The following GABRA2 variants were observed in gnomAD, a reference collection of about 807,000 sequenced individuals.
The protein encoded by GABRA2 is gamma-aminobutyric acid receptor subunit alpha-2.
In GABRA2, 16 loss-of-function variants were observed where a neutral mutation model predicts 48.7. That is an observed-to-expected ratio of 0.33 (90% confidence interval 0.22 to 0.50). The LOEUF is 0.50. Among genes scored for constraint, GABRA2 ranks in the 20% least tolerant of loss-of-function variants. The pLI is 0.98. For synonymous variants in GABRA2, 185 were observed against 184.5 expected, an observed-to-expected ratio of 1.00 and a Z score of -0.02; for missense variants, 275 against 535.6, an observed-to-expected ratio of 0.51 and a Z score of 4.80.
intron 8 of GABRA2, among the ~76,000 whole-genome samples, chr4:46,267,994 G>C (rs919720096): frequency 6.6e-6 from 1 of 151,884 alleles, no homozygotes; most frequent in African/African-American, 2.4e-5. Context: ...AAGACTTCTT[G>C]TCCCAAGCAT....
rs1424133533 is a variant in GABRA2 at position 46,248,708 on chromosome 4, A to G, written c.*1600T>C. 1 of 151,500 alleles carries G rather than the reference A, an allele frequency of 6.6e-6. No individual in the cohort carries two copies. The allele number at this position is 151,500 out of a possible 1,614,324, so 9.4% of individuals were successfully genotyped here. A position where few individuals can be genotyped will look rare whatever the true frequency, so the allele number is the denominator to read the frequency against. ...TACTCCTTTTATTGATTTTATGAAC[A>G]TACCTATTTATGCACTATACTCAAA... On this transcript the variant is annotated 3_prime_UTR_variant, in exon 10 of 10. Transcript: ENST00000381620.
At position 46,262,936 on chromosome 4, in the gene GABRA2, A is replaced by AAAGAG. The variant is rs1438704695; in HGVS notation, c.857-809_857-808insCTCTT. 7.9e-3 allele frequency among the ~76,000 whole-genome samples: 1,093 copies of AAAGAG among 139,208 alleles called. 21 individuals carry two copies. Among genetic ancestry groups the AAAGAG allele is most frequent in the African/African-American group, 0.029 (1,055 of 36,656 alleles). The allele number at this position is 139,208 out of a possible 152,430, so 91.3% of individuals were successfully genotyped here. A position where few individuals can be genotyped will look rare whatever the true frequency, so the allele number is the denominator to read the frequency against. ...GAAAGAAAGAGAGAGAGAAAGAAAG[A>AAAGAG]AGAAAGAAAGAAAGAAAGAAAGAGA... On this transcript the variant is annotated intron_variant, in intron 8 of 9. Coordinates refer to ENST00000381620, the MANE Select transcript of GABRA2 (RefSeq NM_000807.4).
chr4:46,367,555 C>G (rs575032085), intron 3 of GABRA2: 6 of 152,122 alleles, frequency 3.9e-5, no homozygotes, highest in Admixed American at 1.3e-4. Flanking sequence ...CCTCTTTATT[C>G]CTGGGAGCTT....
chr4:46,378,521 C>T lies in GABRA2; in HGVS notation c.187+7553G>A, dbSNP rs1299119598. Among the ~76,000 whole-genome samples, 12 of 151,752 alleles carry T rather than the reference C, an allele frequency of 7.9e-5. No individual in the cohort carries two copies. In the South Asian group the frequency reaches 8.3e-4, roughly 11 times the overall value. On this transcript the variant is annotated intron_variant, in intron 3 of 9. Coordinates refer to ENST00000381620, the MANE Select transcript of GABRA2 (RefSeq NM_000807.4). ...CAAGTACCCAGGGACACAAACACTG[C>T]GGAAGGCCACAGGGTCCTCTGCCTA...
intron 1 of GABRA2, chr4:46,389,402 A>T: frequency 1.0e-6 from 1 of 985,416 alleles, no homozygotes; most frequent in African/African-American, 1.7e-5. Context: ...GGAGCCGAGG[A>T]TCACAATAAG....
At chr4:46,329,316 AT>A (rs1215549093) in intron 4 of GABRA2, among the ~76,000 whole-genome samples, 3 of 152,138 alleles carry the variant, frequency 2.0e-5, no homozygotes, top group Admixed American at 1.3e-4. Context: ...GGACACTCCA[AT>A]GTAGTCACAA....
chr4:46,328,629 T>C (rs535430936), intron 4 of GABRA2, among the ~76,000 whole-genome samples: 1 of 152,184 alleles, frequency 6.6e-6, no homozygotes, highest in South Asian at 2.1e-4. Flanking sequence ...ATGATAACAT[T>C]CTTTTTTTTA....
At chr4:46,384,583 A>T (rs948889857) in intron 3 of GABRA2, among the ~76,000 whole-genome samples, 1 of 152,178 alleles carries the variant, frequency 6.6e-6, no homozygotes, top group Non-Finnish European at 1.5e-5. Context: ...GCTAACTTGG[A>T]TATTTTAAAA....
At chr4:46,252,876 T>C (rs1313074582) in intron 9 of GABRA2, among the ~76,000 whole-genome samples, 1 of 151,506 alleles carries the variant, frequency 6.6e-6, no homozygotes, top group Non-Finnish European at 1.5e-5. Context: ...AAGATAATGA[T>C]ACTAAAGGTA....
intron 6 of GABRA2, among the ~76,000 whole-genome samples, chr4:46,306,088 A>C (rs898921245): frequency 2.0e-5 from 3 of 152,230 alleles, no homozygotes; most frequent in African/African-American, 7.2e-5. Context: ...GCAATCACTC[A>C]TAAGATAAAA....
In GABRA2 at chr4:46,243,719, A is replaced by G. The variant is rs1276463215; in HGVS notation, c.*6589T>C. ...TCACAATTACAAATATTAGTTCTTG[A>G]GTTATTTTCATGAACCAGAAAACCT... On this transcript the variant is annotated 3_prime_UTR_variant, in exon 10 of 10. Coordinates refer to ENST00000381620, the MANE Select transcript of GABRA2 (RefSeq NM_000807.4). The G allele has an allele frequency of 6.6e-6, 1 of 151,428 alleles. No individual in the cohort carries two copies. Among genetic ancestry groups the G allele is most frequent in the Non-Finnish European group, 1.5e-5 (1 of 67,584 alleles). The allele number at this position is 151,428 out of a possible 1,614,324, so 9.4% of individuals were successfully genotyped here.
At chr4:46,263,704 C>A (rs1256753918) in intron 8 of GABRA2, among the ~76,000 whole-genome samples, 1 of 151,940 alleles carries the variant, frequency 6.6e-6, no homozygotes, top group African/African-American at 2.4e-5. Context: ...TAGTTTTCTT[C>A]AAGATTGTTT....
intron 8 of GABRA2, among the ~76,000 whole-genome samples, chr4:46,271,434 T>C (rs552539974): frequency 6.6e-6 from 1 of 152,132 alleles, no homozygotes; most frequent in African/African-American, 2.4e-5. Flanking sequence ...ACCTTTGACA[T>C]TTTGTTAAAT....
intron 3 of GABRA2, chr4:46,365,524 A>G (rs1167272937): frequency 1.3e-5 from 2 of 152,156 alleles, no homozygotes; most frequent in African/African-American, 2.4e-5. Flanking sequence ...GTTCGCAAAA[A>G]TCAAAAGGCA....
chr4:46,298,505 C>T (rs200435712), intron 8 of GABRA2, among the ~76,000 whole-genome samples: 3 of 152,012 alleles, frequency 2.0e-5, no homozygotes, highest in East Asian at 3.9e-4. Flanking sequence ...TTTTTGATAT[C>T]GTTCATTTAG....
rs1327533444 is a variant in GABRA2 at position 46,243,866 on chromosome 4, G to A, written c.*6442C>T. 1.3e-5 allele frequency: 2 copies of A among 151,406 alleles called. No individual in the cohort carries two copies. Among genetic ancestry groups the A allele is most frequent in the African/African-American group, 4.8e-5 (2 of 41,352 alleles). The allele number at this position is 151,406 out of a possible 1,614,324, so 9.4% of individuals were successfully genotyped here. A position where few individuals can be genotyped will look rare whatever the true frequency, so the allele number is the denominator to read the frequency against. On this transcript the variant is annotated 3_prime_UTR_variant, in exon 10 of 10. Transcript: ENST00000381620. ...GATCGTATTATTAATTTGTAGCAAAGGAAAAATACTTTATTCCTTTTATTT... is the reference window on the plus strand; with the variant it reads ...GATCGTATTATTAATTTGTAGCAAAAGAAAAATACTTTATTCCTTTTATTT...
intron 6 of GABRA2, among the ~76,000 whole-genome samples, chr4:46,307,931 G>A (rs922215053): frequency 6.6e-6 from 1 of 152,088 alleles, no homozygotes; most frequent in African/African-American, 2.4e-5. Context: ...AAGCCGAGAG[G>A]TCATAATAAT....
At position 46,346,609 on chromosome 4, in the gene GABRA2, ATACT is replaced by A. The variant is rs930191176; in HGVS notation, c.188-13931_188-13928del. On this transcript the variant is annotated intron_variant, in intron 3 of 9. Coordinates refer to ENST00000381620, the MANE Select transcript of GABRA2 (RefSeq NM_000807.4). ...ATTATATTTATTATTTTTATTTATT[ATACT>A]TAAATATTATATTTATTATATTTAT... Among the ~76,000 whole-genome samples, 44 of 148,376 alleles carry A rather than the reference ATACT, an allele frequency of 3.0e-4. No individual in the cohort carries two copies. In the East Asian group the frequency reaches 7.8e-3, roughly 26 times the overall value.
chr4:46,336,173 T>A (rs279833), intron 3 of GABRA2, among the ~76,000 whole-genome samples: 57,506 of 152,028 alleles, frequency 0.38, 11,623 homozygotes, highest in East Asian at 0.56. Context: ...GAACAAATTA[T>A]TTCTCATTTT....
Sources: gnomAD v4.1 joint callset for allele counts (sites outside exome capture counted in the v4.1 genomes callset) on GRCh38, gnomAD v4.1.1 for gene constraint, MANE v1.5 for transcripts, NCBI Gene and HGNC (gene_info 2026-07-23, HGNC 2026-07-21) for gene names.